The following MROH1 variants were observed in gnomAD, a reference collection of about 807,000 sequenced individuals.
The protein encoded by MROH1 is maestro heat-like repeat-containing protein family member 1.
MROH1 carries 117 observed loss-of-function variants against 116.5 expected under a neutral mutation model. The observed-to-expected ratio is 1.00, with a 90% confidence interval of 0.86 to 1.17. The LOEUF (loss-of-function observed/expected upper bound fraction) is 1.17. Among genes scored for constraint, MROH1 ranks in the 50% most tolerant of loss-of-function variants. The pLI, the probability that MROH1 is intolerant of heterozygous loss-of-function variation, is 0.00. For missense variants in MROH1, 1,873 were observed against 1,338.5 expected (o/e 1.40, Z -6.23); for synonymous variants, 921 against 583.9 (o/e 1.58, Z -8.32).
intron 2 of MROH1, among the ~76,000 whole-genome samples, chr8:144,161,764 C>G (rs1365222490): frequency 6.6e-6 from 1 of 152,200 alleles, no homozygotes; most frequent in Non-Finnish European, 1.5e-5. Context: ...GGAAGGGGTG[C>G]TGCACGGTCG....
At chr8:144,155,071 G>A (rs909261859) in intron 1 of MROH1, among the ~76,000 whole-genome samples, 1 of 151,718 alleles carries the variant, frequency 6.6e-6, no homozygotes, top group African/African-American at 2.4e-5. Context: ...CCACCTCGGC[G>A]TCCTAAAGTG....
intron 10 of MROH1, among the ~76,000 whole-genome samples, chr8:144,195,216 A>AAAAAAAAAAAAC (rs1829567912): frequency 7.1e-6 from 1 of 140,484 alleles, no homozygotes; most frequent in Non-Finnish European, 1.6e-5. Context: ...AAAAAAAAAA[A>AAAAAAAAAAAAC]AAAGGCCGAG....
Position 144,241,038 on chromosome 8 carries a change from G to A in MROH1, c.1982G>A (p.Ser661Asn). 1 of 775,520 alleles carries A rather than the reference G, an allele frequency of 1.3e-6. No individual in the cohort carries two copies. 48.0% of individuals were successfully genotyped at this position (775,520 alleles called of 1,614,324 possible). A position where few individuals can be genotyped will look rare whatever the true frequency, so the allele number is the denominator to read the frequency against. The change falls in exon 21 of 44, where the codon AGT becomes AAT. Residue 661 changes from serine (S) to asparagine (N), a missense_variant. Coordinates refer to ENST00000326134, the MANE Select transcript of MROH1 (RefSeq NM_032450.3). ...CIGTTLGAAS[S>N]KEVVRKHLQE... ...GGCACCACCCTGGGTGCTGCTTCAA[G>A]TAAGGAGGTGGTGAGGAAGCACCTT...
At chr8:144,209,597 A>G (rs866120993) in intron 12 of MROH1, among the ~76,000 whole-genome samples, 2,279 of 150,880 alleles carry the variant, frequency 0.015, 52 homozygotes, top group African/African-American at 0.051. Flanking sequence ...AAAAAGAAAA[A>G]AGAAAAATCG....
chr8:144,190,936 G>A lies in MROH1; in HGVS notation c.714+1G>A. On this transcript the variant is annotated splice_donor_variant, in intron 8 of 43. Coordinates refer to ENST00000326134, the MANE Select transcript of MROH1 (RefSeq NM_032450.3). LOFTEE classifies it high-confidence loss of function. ...GTGGCTGCAGAGTCGAGAAGCCAAG[G>A]TATGCCCCGTGGCTGCATCAGTCCA... 1.2e-6 allele frequency: 2 copies of A among 1,612,672 alleles called. No individual in the cohort carries two copies. Among genetic ancestry groups the A allele is most frequent in the Non-Finnish European group, 1.7e-6 (2 of 1,179,616 alleles).
At chr8:144,242,236 G>C in intron 22 of MROH1, 133 bp from the exon 23 acceptor site, 1 of 767,088 alleles carries the variant, frequency 1.3e-6, no homozygotes, top group Non-Finnish European at 2.4e-6. Flanking sequence ...TGCACGGCTG[G>C]GTCACACCTC....
In MROH1 at chr8:144,248,884, C is replaced by T; in HGVS notation, c.3128C>T (p.Ala1043Val). ...GCATCGCCTTCCTCCTAGATTATTG[C>T]CAAGCGCCTCCCCCCAGACCAGCTC... ...HTCHSVGQII[A>V]KRLPPDQLIS... The change falls in exon 32 of 44, where the codon GCC becomes GTC. Residue 1043 changes from alanine to valine, a missense_variant. Coordinates refer to ENST00000326134, the MANE Select transcript of MROH1 (RefSeq NM_032450.3). 1.3e-6 allele frequency: 1 copy of T among 778,920 alleles called. No homozygotes were observed. Among genetic ancestry groups the T allele is most frequent in the Non-Finnish European group, 2.4e-6 (1 of 417,194 alleles). The allele number at this position is 778,920 out of a possible 1,614,324, so 48.3% of individuals were successfully genotyped here. A position where few individuals can be genotyped will look rare whatever the true frequency, so the allele number is the denominator to read the frequency against.
At chr8:144,161,916 A>G (rs1204273054) in intron 2 of MROH1, among the ~76,000 whole-genome samples, 1 of 151,876 alleles carries the variant, frequency 6.6e-6, no homozygotes, top group East Asian at 1.9e-4. Context: ...AGGCCTGGGA[A>G]CTCTGGCTTG....
intron 35 of MROH1, 64 bp downstream of exon 35, chr8:144,255,769 C>G: frequency 1.4e-6 from 1 of 700,674 alleles, no homozygotes; most frequent in South Asian, 1.5e-5. Context: ...CGTGTGCACG[C>G]GCGTGGTGGG....
chr8:144,242,714 G>A (rs936012585), intron 24 of MROH1, 86 bp downstream of exon 24: 28 of 728,188 alleles, frequency 3.8e-5, no homozygotes, highest in Non-Finnish European at 5.6e-5. Context: ...GGCAGAGGCC[G>A]GAGGGGGAGC....
chr8:144,243,459 G>A (rs1333437652), intron 24 of MROH1, 35 bp from the exon 25 acceptor site: 10 of 776,872 alleles, frequency 1.3e-5, no homozygotes, highest in South Asian at 9.4e-5. Flanking sequence ...TGGAGGGCGG[G>A]CGTGGGCGTC....
At chr8:144,234,497 C>CTTTTTTTTTTTTTTTTT (rs1554823930) in intron 14 of MROH1, among the ~76,000 whole-genome samples, 1 of 20,630 alleles carries the variant, frequency 4.8e-5, no homozygotes, top group Non-Finnish European at 1.1e-4. Flanking sequence ...CTTTCTTTTT[C>CTTTTTTTTTTTTTTTTT]GTTTTTTTTT....
intron 21 of MROH1, 45 bp downstream of exon 21, chr8:144,241,156 G>T: frequency 2.8e-6 from 2 of 721,626 alleles, no homozygotes; most frequent in South Asian, 3.0e-5. Context: ...CCCAGGGCTG[G>T]AGGACGGTGG....
intron 10 of MROH1, chr8:144,192,961 A>G (rs1016839499): frequency 3.0e-5 from 7 of 233,650 alleles, no homozygotes; most frequent in African/African-American, 1.6e-4. Context: ...TTTCTGGATG[A>G]GAGAGGAGAG....
intron 4 of MROH1, among the ~76,000 whole-genome samples, chr8:144,169,534 G>A (rs1467507537): frequency 9.7e-5 from 14 of 144,016 alleles, no homozygotes; most frequent in East Asian, 2.1e-4. Flanking sequence ...TCACTGCAAC[G>A]TCCACCTCCC....
chr8:144,261,571 G>A (rs1317501440), intron 43 of MROH1, 84 bp from the exon 44 acceptor site: 14 of 700,126 alleles, frequency 2.0e-5, no homozygotes, highest in Non-Finnish European at 3.6e-5. Context: ...TCCCAGCAGA[G>A]GCTGTCAGGA....
At chr8:144,200,346 C>G in intron 11 of MROH1, 82 bp from the exon 12 acceptor site, 1 of 1,115,812 alleles carries the variant, frequency 9.0e-7, no homozygotes, top group East Asian at 2.6e-5. Context: ...TGGCTCCTCC[C>G]CTGTGCTGGA....
intron 10 of MROH1, among the ~76,000 whole-genome samples, chr8:144,195,460 C>T (rs1829654410): frequency 7.3e-6 from 1 of 136,294 alleles, no homozygotes; most frequent in Non-Finnish European, 1.6e-5. Context: ...TGAGATCACG[C>T]CACTGCACTC....
chr8:144,224,126 T>C (rs1837345119), intron 14 of MROH1, among the ~76,000 whole-genome samples: 1 of 152,114 alleles, frequency 6.6e-6, no homozygotes, highest in South Asian at 2.1e-4. Context: ...AAGGCCTCTG[T>C]TTTAGTCTTT....
Sources: allele counts gnomAD v4.1 joint callset (sites outside exome capture counted in the v4.1 genomes callset), GRCh38; gene constraint gnomAD v4.1.1; transcripts MANE v1.5; gene names NCBI Gene and HGNC (gene_info 2026-07-23, HGNC 2026-07-21).